HDLBP: variants seen among roughly 807,000 people sequenced by gnomAD.
The protein encoded by HDLBP is vigilin.
HDLBP carries 30 observed loss-of-function variants against 137.3 expected under a neutral mutation model. The ratio of observed to expected loss-of-function variants is 0.22; its 90% CI spans 0.16 to 0.30. The LOEUF (loss-of-function observed/expected upper bound fraction) is 0.30. Among genes scored for constraint, HDLBP ranks in the 10% least tolerant of loss-of-function variants. HDLBP has a pLI of 1.00. For missense variants in HDLBP, 1,119 were observed against 1,667.3 expected (o/e 0.67, Z 5.73); for synonymous variants, 606 against 596.0 (o/e 1.02, Z -0.24).
chr2:241,311,022 G>A (rs939070201), intron 1 of HDLBP, among the ~76,000 whole-genome samples: 3 of 152,106 alleles, frequency 2.0e-5, no homozygotes, highest in African/African-American at 7.2e-5. Context: ...GCCGAGGCAG[G>A]AGCATCACTC....
chr2:241,232,171 C>T (rs1025619341), intron 24 of HDLBP, among the ~76,000 whole-genome samples: 1 of 152,170 alleles, frequency 6.6e-6, no homozygotes, highest in Non-Finnish European at 1.5e-5. Context: ...ACCTCAAGAT[C>T]GGAAGCACAG....
At chr2:241,242,082 A>G (rs1472211820) in intron 17 of HDLBP, among the ~76,000 whole-genome samples, 1 of 152,222 alleles carries the variant, frequency 6.6e-6, no homozygotes, top group Non-Finnish European at 1.5e-5. Context: ...ACACAAGGAC[A>G]ACAGCAATTC....
intron 1 of HDLBP, among the ~76,000 whole-genome samples, chr2:241,290,640 ACT>A (rs960145785): frequency 7.2e-5 from 11 of 151,896 alleles, no homozygotes; most frequent in African/African-American, 2.4e-4. Context: ...CAGACTCTAA[ACT>A]CTAAAAATAA....
At chr2:241,279,956 G>A (rs1051448618) in intron 1 of HDLBP, 15 of 985,366 alleles carry the variant, frequency 1.5e-5, no homozygotes, top group Non-Finnish European at 1.8e-5. Flanking sequence ...ACAGGAACCC[G>A]CTGCAGTGGA....
In HDLBP at chr2:241,256,230, T is replaced by A; in HGVS notation, c.827A>T (p.Gln276Leu). The A allele has an allele frequency of 6.2e-7, 1 of 1,614,182 alleles. No homozygotes were observed. The highest frequency in any genetic ancestry group is 8.5e-7 in the Non-Finnish European group (1 of 1,180,026). The change falls in exon 7 of 28, where the codon CAG becomes CTG. Residue 276 changes from glutamine (Q) to leucine (L), a missense_variant. Physicochemically the swap from Gln to Leu is moderately radical, Grantham distance 113 (BLOSUM62 -2). Around this residue, in one of 4 missense-constraint regions of HDLBP, gnomAD observed 425 missense variants for 693.9 expected, o/e 0.61. Coordinates refer to ENST00000310931, the MANE Select transcript of HDLBP (RefSeq NM_005336.6). ...GATGCGAGCCACAGCCTGAGCCAAC[T>A]GTTCCTTCTCTCCAGTGAAGACAAT... ...TEIVFTGEKE[Q>L]LAQAVARIKK...
intron 1 of HDLBP, chr2:241,271,893 C>T (rs1390780075): frequency 1.3e-5 from 2 of 152,288 alleles, no homozygotes; most frequent in African/African-American, 4.8e-5. Context: ...GAGCAGAAGG[C>T]AGGCTCCGCT....
intron 5 of HDLBP, among the ~76,000 whole-genome samples, chr2:241,258,125 G>A (rs748727305): frequency 3.3e-5 from 5 of 151,908 alleles, no homozygotes; most frequent in Admixed American, 6.6e-5. Flanking sequence ...AAGGCCAGGC[G>A]CAGTGGCTCA....
intron 16 of HDLBP, 129 bp downstream of exon 16, chr2:241,246,623 T>A (rs2071703426): frequency 2.3e-6 from 2 of 886,500 alleles, no homozygotes; most frequent in African/African-American, 1.7e-5. Context: ...TAGCCTGGAT[T>A]GAAAGGTGCA....
intron 1 of HDLBP, among the ~76,000 whole-genome samples, chr2:241,286,723 G>C (rs2074826083): frequency 6.6e-6 from 1 of 152,080 alleles, no homozygotes; most frequent in South Asian, 2.1e-4. Context: ...ACTGAGACTT[G>C]TCAGATTTCC....
In HDLBP at chr2:241,260,174, T is replaced by C. The variant is rs562630552; in HGVS notation, c.450+2537A>G. On this transcript the variant is annotated intron_variant, in intron 5 of 27. Transcript: ENST00000310931. ...ACCCACCGCCACGCCTGGCTAATTT[T>C]TTTGTATTTTTAGTAGAGATGGGGT... 6.2e-4 allele frequency among the ~76,000 whole-genome samples: 94 copies of C among 152,032 alleles called. 1 individual carries two copies. The highest frequency in any genetic ancestry group is 2.2e-3 in the African/African-American group (90 of 41,480).
rs778316785 is a variant in HDLBP at position 241,230,310 on chromosome 2, G to A, written c.3475-41C>T. 21 of 1,170,344 alleles carry A rather than the reference G, an allele frequency of 1.8e-5. No homozygotes were observed. The South Asian group carries it at 2.1e-4, about 12-fold the overall frequency. 72.5% of individuals were successfully genotyped at this position (1,170,344 alleles called of 1,614,324 possible). Reference sequence around the variant, plus strand: ...AACGTCAGATGAGGGGACTCCAAGCGAGGAAAAGGGTTAAAATTATGTGTC... The same window carrying A: ...AACGTCAGATGAGGGGACTCCAAGCAAGGAAAAGGGTTAAAATTATGTGTC... On this transcript the variant is annotated intron_variant, in intron 25 of 27. Coordinates refer to ENST00000310931, the MANE Select transcript of HDLBP (RefSeq NM_005336.6). This position sits in a 1 kb window ranked among gnomAD's most constrained non-coding sequence, Gnocchi z 5.0.
chr2:241,239,772 G>T lies in HDLBP; in HGVS notation c.2440C>A (p.His814Asn). The stretch of plus-strand genomic sequence containing the variant: ...ACCTGGCCTCTGCGGATGACGAAGT[G>T]GCGGTGGTGCTTGGGGTCCACCAGC... ...SMLVDPKHHRHFVIRRGQVLR... is the reference protein window; with the variant it reads ...SMLVDPKHHRNFVIRRGQVLR... Residue 814 changes from histidine to asparagine, a missense_variant, in exon 19 of 28, where the codon CAC becomes AAC. This residue lies in a region of HDLBP where 618 missense variants were observed against 816.7 expected (regional missense o/e 0.76). Coordinates refer to ENST00000310931, the MANE Select transcript of HDLBP (RefSeq NM_005336.6). This position sits in a 1 kb window ranked among gnomAD's most constrained non-coding sequence, Gnocchi z 4.6. The T allele has an allele frequency of 1.2e-6, 2 of 1,614,096 alleles. No individual in the cohort carries two copies. The highest frequency in any genetic ancestry group is 1.7e-6 in the Non-Finnish European group (2 of 1,180,034).
intron 11 of HDLBP, among the ~76,000 whole-genome samples, chr2:241,252,347 C>A (rs2072264507): frequency 6.6e-6 from 1 of 152,114 alleles, no homozygotes; most frequent in Non-Finnish European, 1.5e-5. Context: ...TCTAAAAATA[C>A]AAAAATTAAT....
chr2:241,314,886 G>C (rs1321591727), intron 1 of HDLBP, among the ~76,000 whole-genome samples: 1 of 152,184 alleles, frequency 6.6e-6, no homozygotes, highest in South Asian at 2.1e-4. Flanking sequence ...CTTCCTGAAC[G>C]AGGGGTATTT....
rs1367018965 is a variant in HDLBP at position 241,239,352 on chromosome 2, C to A, written c.2610+250G>T. On this transcript the variant is annotated intron_variant, in intron 19 of 27. Transcript: ENST00000310931. This position sits in a 1 kb window ranked among gnomAD's most constrained non-coding sequence, Gnocchi z 4.6. Reference sequence around the variant, plus strand: ...GCTTTCTTTCCTCTCTCTCTCTCCCCTCTCCTCTTCTCCTTCTCTCTCTCT... The same window carrying A: ...GCTTTCTTTCCTCTCTCTCTCTCCCATCTCCTCTTCTCCTTCTCTCTCTCT... Among the ~76,000 whole-genome samples the A allele has an allele frequency of 6.6e-6, 1 of 152,138 alleles. No homozygotes were observed.
intron 9 of HDLBP, among the ~76,000 whole-genome samples, chr2:241,254,721 T>G (rs2072477815): frequency 6.6e-6 from 1 of 151,944 alleles, no homozygotes; most frequent in African/African-American, 2.4e-5. Context: ...CCTGACCTCA[T>G]GAGCCACCGC....
rs114345925 is a variant in HDLBP, at chr2:241,253,007, T to C, written c.1322A>G (p.Asn441Ser). The stretch of plus-strand genomic sequence containing the variant: ...GTGCCTGTGGAACTTGTGGTCGATG[T>C]TGATCTCCACATAGTCCATCCGGTT... Reference protein sequence around the residue: ...LINRMDYVEINIDHKFHRHLI... With the variant: ...LINRMDYVEISIDHKFHRHLI... Residue 441 changes from asparagine to serine, a missense_variant, in exon 11 of 28, where the codon AAC (asparagine) becomes AGC (serine). By Grantham distance (46) the Asn-to-Ser change is conservative. Coordinates refer to ENST00000310931, the MANE Select transcript of HDLBP (RefSeq NM_005336.6). 3.7e-6 allele frequency: 6 copies of C among 1,609,452 alleles called. No individual in the cohort carries two copies. The highest frequency in any genetic ancestry group is 1.1e-5 in the South Asian group (1 of 90,964).
At chr2:241,231,412 C>T (rs1020397490) in intron 24 of HDLBP, 1 of 153,170 alleles carries the variant, frequency 6.5e-6, no homozygotes, top group African/African-American at 2.4e-5. Flanking sequence ...AAAAAACACC[C>T]CACAAAAAAC....
At chr2:241,251,645 G>A (rs143594174) in intron 11 of HDLBP, among the ~76,000 whole-genome samples, 212 of 152,330 alleles carry the variant, frequency 1.4e-3, no homozygotes, top group African/African-American at 5.1e-3. Flanking sequence ...ACGCGAGTGT[G>A]TGAGTATAGC....
Sources: allele counts gnomAD v4.1 joint callset (sites outside exome capture counted in the v4.1 genomes callset), GRCh38; gene constraint gnomAD v4.1.1; regional missense constraint gnomAD v4.1.1; non-coding constraint Gnocchi (gnomAD v3.1); transcripts MANE v1.5; gene names NCBI Gene and HGNC (gene_info 2026-07-23, HGNC 2026-07-21).